Variants in AFG2A observed in about 807,000 individuals in gnomAD.
AFG2A encodes ATPase family gene 2 protein homolog A.
chr4:123,017,414 A>ATTTTTTTTTTTTTTTTTT, the AFG2A span, among the ~76,000 whole-genome samples: 7 of 74,726 alleles, frequency 9.4e-5, no homozygotes, highest in African/African-American at 2.1e-4. Flanking sequence ...AGCATGGGAA[A>ATTTTTTTTTTTTTTTTTT]TTTTTTTTTT....
chr4:123,282,106 G>A, the AFG2A span, among the ~76,000 whole-genome samples: 149 of 152,260 alleles, frequency 9.8e-4, 1 homozygote, highest in Middle Eastern at 3.4e-3. Context: ...TAGTGGGCAG[G>A]CTGTGTGTAT....
the AFG2A span, among the ~76,000 whole-genome samples, chr4:123,268,590 G>A: frequency 6.6e-6 from 1 of 152,198 alleles, no homozygotes; most frequent in Non-Finnish European, 1.5e-5. Flanking sequence ...AGCAGAAGCT[G>A]TACGACAGGA....
the AFG2A span, among the ~76,000 whole-genome samples, chr4:123,186,559 A>G: frequency 9.9e-4 from 151 of 152,348 alleles, no homozygotes; most frequent in African/African-American, 3.3e-3. Context: ...AGTTTTCTAC[A>G]GTCTAATAAT....
the AFG2A span, chr4:123,057,293 G>A: frequency 6.2e-7 from 1 of 1,612,492 alleles, no homozygotes; most frequent in Non-Finnish European, 8.5e-7. Context: ...GGGCAGGTAA[G>A]AAGTATTTAA....
At chr4:123,154,016 C>G in the AFG2A span, among the ~76,000 whole-genome samples, 2 of 152,024 alleles carry the variant, frequency 1.3e-5, no homozygotes, top group African/African-American at 4.8e-5. Flanking sequence ...CTTTCAAAGA[C>G]TTTTGAAAGA....
chr4:123,315,141 G>C, the AFG2A span: 1 of 150,608 alleles, frequency 6.6e-6, no homozygotes, highest in Non-Finnish European at 1.5e-5. Flanking sequence ...CATATTTTCA[G>C]GGTACCAGTA....
chr4:123,053,816 C>T, the AFG2A span, among the ~76,000 whole-genome samples: 1 of 152,128 alleles, frequency 6.6e-6, no homozygotes, highest in Non-Finnish European at 1.5e-5. Flanking sequence ...GGTCTCAGCA[C>T]AGATAGGATA....
At chr4:122,934,472 A>C in the AFG2A span, 3 of 1,614,228 alleles carry the variant, frequency 1.9e-6, no homozygotes, top group South Asian at 3.3e-5. Context: ...TGTAATTTTG[A>C]ATCTGCCAGA....
the AFG2A span, among the ~76,000 whole-genome samples, chr4:123,126,916 G>A: frequency 2.2e-4 from 34 of 152,144 alleles, 2 homozygotes; most frequent in South Asian, 4.2e-3. Context: ...AATTTTGCCC[G>A]TTAATTAAAA....
the AFG2A span, among the ~76,000 whole-genome samples, chr4:123,156,759 T>TAAAAAAAAA: frequency 5.9e-5 from 8 of 134,808 alleles, no homozygotes; most frequent in African/African-American, 1.7e-4. Context: ...TTAAGAAGAT[T>TAAAAAAAAA]AAAAAAAAAA....
chr4:122,967,630 C>T, the AFG2A span, among the ~76,000 whole-genome samples: 1 of 152,138 alleles, frequency 6.6e-6, no homozygotes, highest in South Asian at 2.1e-4. Context: ...TGATTCTGAG[C>T]CTGATCAGGA....
At chr4:122,940,237 C>T in the AFG2A span, among the ~76,000 whole-genome samples, 1 of 152,032 alleles carries the variant, frequency 6.6e-6, no homozygotes, top group Non-Finnish European at 1.5e-5. Context: ...AACTAGTTTA[C>T]AGTCCCACCA....
the AFG2A span, among the ~76,000 whole-genome samples, chr4:123,156,904 T>C: frequency 6.6e-6 from 1 of 152,054 alleles, no homozygotes; most frequent in South Asian, 2.1e-4. Context: ...AAGGTGAACT[T>C]ATTACCAGAA....
At chr4:123,246,982 CA>C in the AFG2A span, among the ~76,000 whole-genome samples, 14 of 152,184 alleles carry the variant, frequency 9.2e-5, no homozygotes, top group South Asian at 2.9e-3. Context: ...TATCTTAAAT[CA>C]ATTAATTTTG....
the AFG2A span, among the ~76,000 whole-genome samples, chr4:123,071,335 C>T: frequency 6.6e-6 from 1 of 152,068 alleles, no homozygotes; most frequent in Non-Finnish European, 1.5e-5. Context: ...ACAAAATTAG[C>T]CGGGCGTGGT....
the AFG2A span, among the ~76,000 whole-genome samples, chr4:123,169,870 G>C: frequency 6.6e-6 from 1 of 152,130 alleles, no homozygotes; most frequent in African/African-American, 2.4e-5. Context: ...ATAGATAAAC[G>C]TAACAGAGAG....
chr4:123,077,202 C>G, the AFG2A span, among the ~76,000 whole-genome samples: 66 of 152,020 alleles, frequency 4.3e-4, no homozygotes, highest in African/African-American at 1.3e-3. Context: ...CGTATGCCAC[C>G]ACGCCTGGCT....
chr4:123,268,923 T>C, the AFG2A span, among the ~76,000 whole-genome samples: 47 of 152,346 alleles, frequency 3.1e-4, no homozygotes, highest in African/African-American at 1.1e-3. Context: ...TTCATTCTTA[T>C]CAAGTTGTCA....
the AFG2A span, among the ~76,000 whole-genome samples, chr4:123,250,574 G>T: frequency 6.6e-6 from 1 of 152,120 alleles, no homozygotes; most frequent in Middle Eastern, 3.2e-3. Context: ...GGGAATTTCT[G>T]TCAAATGCAC....
Sources: gnomAD v4.1 joint callset for allele counts (sites outside exome capture counted in the v4.1 genomes callset) on GRCh38, gnomAD v4.1.1 for gene constraint, MANE v1.5 for transcripts, NCBI Gene and HGNC (gene_info 2026-07-23, HGNC 2026-07-21) for gene names.